The following ZNF518A variants were observed in gnomAD, a reference collection of about 807,000 sequenced individuals.
The protein encoded by ZNF518A is zinc finger protein 518.
ZNF518A carries 47 observed loss-of-function variants against 102.7 expected under a neutral mutation model. The observed-to-expected ratio is 0.46, with a 90% CI of 0.36 to 0.58. The LOEUF (loss-of-function observed/expected upper bound fraction) is 0.58. Among genes scored for constraint, ZNF518A ranks in the 20% least tolerant of loss-of-function variants. The pLI is 0.00. For synonymous variants in ZNF518A, 652 were observed against 594.6 expected (o/e 1.10, Z -1.40); for missense variants, 1,793 against 1,699.8 (o/e 1.05, Z -0.96).
Position 96,158,310 on chromosome 10 carries a change from C to T in ZNF518A, c.1988C>T (p.Pro663Leu), listed in dbSNP as rs1259558352. ...RFSGTAVYEN[P>L]QRESSSSKTV... is the part of the protein sequence containing the mutation. ...TCAGGAACAGCAGTGTATGAAAACC[C>T]TCAAAGAGAATCTTCATCCAGCAAA... is the stretch of plus-strand genomic sequence containing the variant. Residue 663 changes from proline to leucine, a missense_variant, in exon 6 of 6, where the codon CCT becomes CTT. Coordinates refer to ENST00000316045, the MANE Select transcript of ZNF518A (RefSeq NM_001330736.2). 4.3e-6 allele frequency: 7 copies of T among 1,613,548 alleles called. No individual in the cohort carries two copies. Among genetic ancestry groups the T allele is most frequent in the Non-Finnish European group, 5.9e-6 (7 of 1,179,736 alleles).
intron 1 of ZNF518A, chr10:96,197,073 T>TA: frequency 6.2e-7 from 1 of 1,606,858 alleles, no homozygotes; most frequent in Non-Finnish European, 8.5e-7. Context: ...CCTGTTTAAT[T>TA]TTTTTTAAAA....
At chr10:96,139,621 A>T (rs151065634) in intron 3 of ZNF518A, among the ~76,000 whole-genome samples, 200 of 152,338 alleles carry the variant, frequency 1.3e-3, no homozygotes, top group African/African-American at 4.5e-3. Flanking sequence ...AGAGTAGGAC[A>T]CTTGGGAAAC....
intron 1 of ZNF518A, among the ~76,000 whole-genome samples, chr10:96,201,992 G>A (rs10882743): frequency 0.22 from 34,088 of 152,178 alleles, 4,956 homozygotes; most frequent in Middle Eastern, 0.36. Context: ...TGGAGAGGGA[G>A]GAGGCACTGG....
chr10:96,154,113 T>G (rs1195182656), intron 3 of ZNF518A, among the ~76,000 whole-genome samples: 1 of 152,140 alleles, frequency 6.6e-6, no homozygotes, highest in African/African-American at 2.4e-5. Flanking sequence ...TTTAATCAAC[T>G]CATATAATTC....
Position 96,159,656 on chromosome 10 carries a change from C to T in ZNF518A, c.3334C>T (p.Pro1112Ser). The change falls in exon 6 of 6, where the codon CCA (proline) becomes TCA (serine). Residue 1112 changes from proline to serine, a missense_variant. Physicochemically the swap from Pro to Ser is moderately conservative, Grantham distance 74 (BLOSUM62 -1). Coordinates refer to ENST00000316045, the MANE Select transcript of ZNF518A (RefSeq NM_001330736.2). ...AGCTGTTTTTTTAAAGTGTGTGATG[C>T]CAAATAAAACTGAGCTGCTTAAGCC... ...KQAVFLKCVMPNKTELLKPKL... is the reference protein window; with the variant it reads ...KQAVFLKCVMSNKTELLKPKL... 1 of 1,613,492 alleles carries T rather than the reference C, an allele frequency of 6.2e-7. No individual in the cohort carries two copies. The highest frequency in any genetic ancestry group is 8.5e-7 in the Non-Finnish European group (1 of 1,179,750).
rs202160045 is a variant in ZNF518A, at chr10:96,158,554, G to A, written c.2232G>A (p.Ala744=). Residue 744 remains alanine, a synonymous_variant, in exon 6 of 6, where the codon GCG becomes GCA. Coordinates refer to ENST00000316045, the MANE Select transcript of ZNF518A (RefSeq NM_001330736.2). ...ATGAAAATCAAAATTTAGAGTGTGC[G>A]ACTGAAAAATCTAAATGGGAAGACT... is the stretch of plus-strand genomic sequence containing the variant. The part of the protein sequence containing the change: ...YSNENQNLEC[A]TEKSKWEDFS... 17 of 1,612,774 alleles carry A rather than the reference G, an allele frequency of 1.1e-5. No individual in the cohort carries two copies. The East Asian group carries it at 1.6e-4, about 15-fold the overall frequency.
intron 1 of ZNF518A, chr10:96,201,161 A>C: frequency 9.5e-7 from 1 of 1,054,874 alleles, no homozygotes; most frequent in East Asian, 2.4e-5. Flanking sequence ...GGACACATCC[A>C]CCAAAAAAAA....
Position 96,157,538 on chromosome 10 carries a change from G to A in ZNF518A, c.1216G>A (p.Glu406Lys). ...LSTGQGNRAEEGPNASSGFMK... is the reference protein window; with the variant it reads ...LSTGQGNRAEKGPNASSGFMK... ...CACTGGGCAAGGTAATAGAGCTGAAGAGGGACCAAACGCTAGTTCAGGTTT... is the reference window on the plus strand; with the variant it reads ...CACTGGGCAAGGTAATAGAGCTGAAAAGGGACCAAACGCTAGTTCAGGTTT... Residue 406 changes from glutamate (E) to lysine (K), a missense_variant, in exon 6 of 6, where the codon GAG becomes AAG. Glu to Lys is a moderately conservative substitution (Grantham distance 56). Coordinates refer to ENST00000316045, the MANE Select transcript of ZNF518A (RefSeq NM_001330736.2). 6.2e-7 allele frequency: 1 copy of A among 1,613,902 alleles called. No homozygotes were observed.
Position 96,200,807 on chromosome 10 carries a change from GA to G in ZNF518A, n.36-2759del, listed in dbSNP as rs1302015332. 4.6e-5 allele frequency among the ~76,000 whole-genome samples: 7 copies of G among 151,456 alleles called. No homozygotes were observed. The East Asian group carries it at 1.4e-3, about 29-fold the overall frequency. On this transcript the variant is annotated intron_variant and non_coding_transcript_variant, in intron 1 of 2. Coordinates refer to the ZNF518A transcript ENST00000442635. The surrounding 1 kb of genome is among the most constrained non-coding windows in gnomAD (Gnocchi z 4.3). The stretch of plus-strand genomic sequence containing the variant: ...TAACTGGAGCAATGTCTTAGTCATT[GA>G]AAAAAAACAACAACTGGGTATTCTG...
chr10:96,143,838 A>G (rs1240279469), intron 3 of ZNF518A, among the ~76,000 whole-genome samples: 1 of 152,224 alleles, frequency 6.6e-6, no homozygotes, highest in Non-Finnish European at 1.5e-5. Context: ...CTTTTAAAAA[A>G]ATTAAACTAT....
rs782553015 is a variant in ZNF518A at position 96,158,894 on chromosome 10, A to G, written c.2572A>G (p.Lys858Glu). The G allele has an allele frequency of 3.7e-6, 6 of 1,613,584 alleles. No homozygotes were observed. The African/African-American group carries it at 8.0e-5, about 22-fold the overall frequency. ...INVPTNDLNL[K>E]FGKEKQVSSI... is the part of the protein sequence containing the mutation. ...TGTGCCTACAAATGATTTGAATTTGAAATTTGGAAAAGAAAAACAAGTGTC... is the reference window on the plus strand; with the variant it reads ...TGTGCCTACAAATGATTTGAATTTGGAATTTGGAAAAGAAAAACAAGTGTC... The change falls in exon 6 of 6, where the codon AAA (lysine) becomes GAA (glutamate). Residue 858 changes from lysine to glutamate, a missense_variant. Coordinates refer to ENST00000316045, the MANE Select transcript of ZNF518A (RefSeq NM_001330736.2).
Position 96,156,255 on chromosome 10 carries a change from C to T in ZNF518A, c.-68C>T. Reference sequence around the variant, plus strand: ...AGATGTCTCTACACAGTATCGTTTCCTGTTTAAATTACAGATAACTTCAAG... The same window carrying T: ...AGATGTCTCTACACAGTATCGTTTCTTGTTTAAATTACAGATAACTTCAAG... On this transcript the variant is annotated 5_prime_UTR_variant, in exon 6 of 6. Coordinates refer to ENST00000316045, the MANE Select transcript of ZNF518A (RefSeq NM_001330736.2). 1 of 1,470,988 alleles carries T rather than the reference C, an allele frequency of 6.8e-7. No individual in the cohort carries two copies. Among genetic ancestry groups the T allele is most frequent in the Non-Finnish European group, 9.1e-7 (1 of 1,103,340 alleles). 91.1% of individuals were successfully genotyped at this position (1,470,988 alleles called of 1,614,324 possible). A position where few individuals can be genotyped will look rare whatever the true frequency, so the allele number is the denominator to read the frequency against.
intron 1 of ZNF518A, among the ~76,000 whole-genome samples, chr10:96,182,481 C>G (rs1335839286): frequency 6.6e-6 from 1 of 152,116 alleles, no homozygotes; most frequent in Admixed American, 6.6e-5. Context: ...TCATAAATAG[C>G]TCTTATTATT....
intron 1 of ZNF518A, among the ~76,000 whole-genome samples, chr10:96,184,989 C>G (rs1255175695): frequency 6.6e-6 from 1 of 152,152 alleles, no homozygotes; most frequent in African/African-American, 2.4e-5. Flanking sequence ...TTCTTAGAGG[C>G]TTTGTTCATT....
chr10:96,159,485 C>G lies in ZNF518A; in HGVS notation c.3163C>G (p.Pro1055Ala). ...LPLKGPYILK[P>A]TSSVKAVLIP... is the part of the protein sequence containing the mutation. ...ATTAAAAGGCCCTTACATTTTGAAA[C>G]CAACGAGTTCTGTGAAAGCTGTTCT... The change falls in exon 6 of 6, where the codon CCA becomes GCA. Residue 1055 changes from proline (P) to alanine (A), a missense_variant. Pro to Ala is a conservative substitution (Grantham distance 27). Transcript: ENST00000316045. The G allele has an allele frequency of 6.2e-7, 1 of 1,613,818 alleles. No homozygotes were observed. Among genetic ancestry groups the G allele is most frequent in the Middle Eastern group, 1.6e-4 (1 of 6,062 alleles).
chr10:96,200,529 T>G lies in ZNF518A; in HGVS notation n.36-3045T>G, dbSNP rs967586559. ...TGCAAGAAAGGATATATGCCTTCTT[T>G]GAAGGCAAGAAGGACACATGCTATT... On this transcript the variant is annotated intron_variant and non_coding_transcript_variant, in intron 1 of 2. Transcript: ENST00000442635. This position sits in a 1 kb window ranked among gnomAD's most constrained non-coding sequence, Gnocchi z 4.3. 6.6e-6 allele frequency among the ~76,000 whole-genome samples: 1 copy of G among 152,238 alleles called. No homozygotes were observed.
chr10:96,204,364 C>A, downstream of ZNF518A: 1 of 819,336 alleles, frequency 1.2e-6, no homozygotes. Flanking sequence ...CAACTCTACA[C>A]AGTTATTTTA....
At chr10:96,179,849 C>CTTA (rs35859420) in intron 1 of ZNF518A, among the ~76,000 whole-genome samples, 1 of 148,704 alleles carries the variant, frequency 6.7e-6, no homozygotes, top group East Asian at 2.0e-4. Flanking sequence ...CATCCTTCTT[C>CTTA]TTTTCTTCTT....
intron 1 of ZNF518A, chr10:96,196,880 GA>G (rs1564810858): frequency 6.2e-7 from 1 of 1,606,780 alleles, no homozygotes; most frequent in Admixed American, 1.7e-5. Context: ...CATAGTTATA[GA>G]ATTGAATTTA....
Sources: gnomAD v4.1 joint callset for allele counts (sites outside exome capture counted in the v4.1 genomes callset) on GRCh38, gnomAD v4.1.1 for gene constraint, Gnocchi (gnomAD v3.1) non-coding constraint, MANE v1.5 for transcripts, NCBI Gene and HGNC (gene_info 2026-07-23, HGNC 2026-07-21) for gene names.